The following ERICH3 variants were observed in gnomAD, a reference collection of about 807,000 sequenced individuals.
ERICH3 encodes the protein glutamate-rich protein 3.
ERICH3 carries 126 observed loss-of-function variants against 131.1 expected under a neutral mutation model. The observed-to-expected ratio is 0.96, with a 90% confidence interval of 0.83 to 1.11. The LOEUF is 1.11. Ranked by LOEUF, ERICH3 falls within the 50% of genes most tolerant of loss-of-function variation. ERICH3 has a pLI of 0.00. For missense variants in ERICH3, 2,050 were observed against 1,810.7 expected (o/e 1.13, Z -2.40); for synonymous variants, 695 against 644.6 (o/e 1.08, Z -1.18).
intron 1 of ERICH3, among the ~76,000 whole-genome samples, chr1:74,650,889 AAGAGAGAG>A (rs138642191): frequency 6.9e-6 from 1 of 144,350 alleles, no homozygotes; most frequent in South Asian, 2.2e-4. Flanking sequence ...TACACATAGA[AAGAGAGAG>A]AGAGAGAGAG....
At chr1:74,570,972 C>T in intron 14 of ERICH3, 127 bp downstream of exon 14, 5 of 1,283,990 alleles carry the variant, frequency 3.9e-6, no homozygotes, top group Non-Finnish European at 5.3e-6. Flanking sequence ...GGCTAAGTGA[C>T]ACAGAATTGA....
At chr1:74,667,095 A>AT (rs35815763) in intron 1 of ERICH3, among the ~76,000 whole-genome samples, 34,481 of 151,930 alleles carry the variant, frequency 0.23, 4,139 homozygotes, top group Middle Eastern at 0.33. Context: ...TTTACCTTAA[A>AT]TTTTTTTTAA....
chr1:74,570,985 C>T, intron 14 of ERICH3, 114 bp downstream of exon 14: 3 of 1,339,580 alleles, frequency 2.2e-6, no homozygotes, highest in Non-Finnish European at 3.0e-6. Context: ...AGAATTGAAG[C>T]CTGTGTGTTT....
At chr1:74,624,385 A>G (rs1278676741) in intron 7 of ERICH3, 1 of 152,182 alleles carries the variant, frequency 6.6e-6, no homozygotes, top group East Asian at 1.9e-4. Context: ...GAGTGTTCAT[A>G]TCCCAAAGAC....
At chr1:74,642,975 TA>T in intron 4 of ERICH3, 51 bp downstream of exon 4, 1 of 1,363,288 alleles carries the variant, frequency 7.3e-7, no homozygotes. Flanking sequence ...CTGTTTTTTT[TA>T]AAATCATAAA....
At chr1:74,610,506 T>C (rs1247201646) in intron 9 of ERICH3, among the ~76,000 whole-genome samples, 1 of 150,924 alleles carries the variant, frequency 6.6e-6, no homozygotes, top group Non-Finnish European at 1.5e-5. Flanking sequence ...TACCCAATCA[T>C]TTAGCTCCAG....
At position 74,641,419 on chromosome 1, in the gene ERICH3, A is replaced by G; in HGVS notation, c.356T>C (p.Ile119Thr). The stretch of plus-strand genomic sequence containing the variant: ...GCCAACTGGTGGGTGGGGAGACAGG[A>G]TTGGCATGTTATTTTCAACAGACCT... Reference protein sequence around the residue: ...TRRSVENNMPILSPHPPVGPK... With the variant: ...TRRSVENNMPTLSPHPPVGPK... The change falls in exon 5 of 15, where the codon ATC becomes ACC. Residue 119 changes from isoleucine (I) to threonine (T), a missense_variant. By Grantham distance (89) the Ile-to-Thr change is moderately conservative. Transcript: ENST00000326665. 6.2e-7 allele frequency: 1 copy of G among 1,610,994 alleles called. No homozygotes were observed. Among genetic ancestry groups the G allele is most frequent in the African/African-American group, 1.3e-5 (1 of 74,760 alleles).
intron 5 of ERICH3, among the ~76,000 whole-genome samples, chr1:74,640,388 G>A (rs114354729): frequency 0.014 from 2,175 of 152,186 alleles, 60 homozygotes; most frequent in African/African-American, 0.049. Context: ...ATCAAGAAAT[G>A]TCAAAACATA....
At position 74,568,965 on chromosome 1, in the gene ERICH3, A is replaced by G. The variant is rs986044461; in HGVS notation, c.*1493T>C. On this transcript the variant is annotated 3_prime_UTR_variant, in exon 15 of 15. Transcript: ENST00000326665. ...TGGGAACAATTTCCAGGTGATGCTG[A>G]TGTGCTGATGCTTCTGATCAAGGGA... is the stretch of plus-strand genomic sequence containing the variant. The G allele has an allele frequency of 1.3e-5, 2 of 152,102 alleles. No homozygotes were observed. The highest frequency in any genetic ancestry group is 4.8e-5 in the African/African-American group (2 of 41,394). 9.4% of individuals were successfully genotyped at this position (152,102 alleles called of 1,614,324 possible).
chr1:74,585,987 T>C (rs1470886853), intron 12 of ERICH3, among the ~76,000 whole-genome samples: 1 of 152,118 alleles, frequency 6.6e-6, no homozygotes, highest in African/African-American at 2.4e-5. Context: ...TTCTGAATAT[T>C]ATACATGGTC....
chr1:74,658,350 T>G (rs567177952), intron 1 of ERICH3, among the ~76,000 whole-genome samples: 1 of 152,172 alleles, frequency 6.6e-6, no homozygotes, highest in Non-Finnish European at 1.5e-5. Flanking sequence ...AAGATGTTTA[T>G]TAGTGATCAA....
At chr1:74,619,314 A>C (rs1649113969) in intron 8 of ERICH3, among the ~76,000 whole-genome samples, 1 of 152,190 alleles carries the variant, frequency 6.6e-6, no homozygotes, top group South Asian at 2.1e-4. Flanking sequence ...TTTTCCAGCA[A>C]ATAGATGTTT....
Position 74,644,241 on chromosome 1 carries a change from A to G in ERICH3, c.244-1143T>C, listed in dbSNP as rs968612560. 4.0e-5 allele frequency among the ~76,000 whole-genome samples: 6 copies of G among 151,562 alleles called. No individual in the cohort carries two copies. The East Asian group carries it at 1.2e-3, about 29-fold the overall frequency. On this transcript the variant is annotated intron_variant, in intron 3 of 14. Transcript: ENST00000326665. ...TCCCTTTCCTCTCTCTCTTCCTCTG[A>G]TCTCCTACCCACTTATCATCAAACT...
At chr1:74,635,273 C>T (rs1484947908) in intron 6 of ERICH3, among the ~76,000 whole-genome samples, 1 of 152,054 alleles carries the variant, frequency 6.6e-6, no homozygotes, top group East Asian at 1.9e-4. Flanking sequence ...TGAAGCACCA[C>T]CACTTTTGGA....
chr1:74,648,151 C>T (rs537228616), intron 2 of ERICH3, among the ~76,000 whole-genome samples: 1 of 152,250 alleles, frequency 6.6e-6, no homozygotes, highest in South Asian at 2.1e-4. Context: ...AGGCCTGCAT[C>T]TTTCTTATTT....
chr1:74,643,106 T>C lies in ERICH3; in HGVS notation c.244-8A>G, dbSNP rs757990988. The stretch of plus-strand genomic sequence containing the variant: ...TTCAAGCTGATGGTAACGCTAAGCA[T>C]ACAGGAAAGAATAAAGGAGAGAATC... On this transcript the variant is annotated splice_region_variant and splice_polypyrimidine_tract_variant and intron_variant, in intron 3 of 14. Transcript: ENST00000326665. The C allele has an allele frequency of 1.9e-6, 3 of 1,604,642 alleles. No individual in the cohort carries two copies. The highest frequency in any genetic ancestry group is 2.7e-5 in the African/African-American group (2 of 74,454).
chr1:74,609,788 G>A (rs565518424), intron 9 of ERICH3, among the ~76,000 whole-genome samples: 2 of 152,178 alleles, frequency 1.3e-5, no homozygotes, highest in South Asian at 4.1e-4. Context: ...TTTTAGTTGA[G>A]AGTCATAGGC....
chr1:74,629,123 C>A (rs1298615226), intron 7 of ERICH3, among the ~76,000 whole-genome samples: 1 of 151,420 alleles, frequency 6.6e-6, no homozygotes, highest in Non-Finnish European at 1.5e-5. Flanking sequence ...TCATACAGAT[C>A]AAGAATAAGA....
intron 12 of ERICH3, 100 bp from the exon 13 acceptor site, chr1:74,577,036 AC>A (rs1191377050): frequency 1.0e-6 from 1 of 999,040 alleles, no homozygotes; most frequent in East Asian, 2.6e-5. Context: ...AGGCAAATTC[AC>A]CTAGCTGTTC....
Sources: allele counts gnomAD v4.1 joint callset (sites outside exome capture counted in the v4.1 genomes callset), GRCh38; gene constraint gnomAD v4.1.1; transcripts MANE v1.5; gene names NCBI Gene and HGNC (gene_info 2026-07-23, HGNC 2026-07-21).